HIVEP3: variants seen among roughly 807,000 people sequenced by gnomAD.
HIVEP3 encodes the protein HIVEP zinc finger 3.
HIVEP3 carries 49 observed loss-of-function variants against 152.8 expected under a neutral mutation model. That is an observed-to-expected ratio of 0.32 (90% CI 0.26 to 0.41). HIVEP3 has a LOEUF of 0.41. Ranked by LOEUF, HIVEP3 falls within the 10% of genes least tolerant of loss-of-function variation. The pLI is 1.00. For synonymous variants in HIVEP3, 1,269 were observed against 1,289.0 expected (o/e 0.98, Z 0.33); for missense variants, 2,790 against 3,103.3 (o/e 0.90, Z 2.40).
At chr1:41,576,507 C>A (rs1278815252) in intron 4 of HIVEP3, among the ~76,000 whole-genome samples, 1 of 152,190 alleles carries the variant, frequency 6.6e-6, no homozygotes, top group Non-Finnish European at 1.5e-5. Flanking sequence ...GCCTAGGGAG[C>A]AGAAATGCTG....
intron 2 of HIVEP3, among the ~76,000 whole-genome samples, chr1:41,697,680 G>A (rs928609732): frequency 5.3e-5 from 8 of 152,186 alleles, no homozygotes; most frequent in Non-Finnish European, 2.9e-5. Context: ...CCTCTGCAAC[G>A]CCAGATGCCC....
At chr1:41,886,970 C>T (rs1173824392) in intron 1 of HIVEP3, among the ~76,000 whole-genome samples, 1 of 151,952 alleles carries the variant, frequency 6.6e-6, no homozygotes. Flanking sequence ...TATATTTTAT[C>T]AAAATTCCTG....
intron 1 of HIVEP3, among the ~76,000 whole-genome samples, chr1:41,867,947 C>T (rs1350746841): frequency 6.9e-6 from 1 of 143,968 alleles, no homozygotes; most frequent in Non-Finnish European, 1.5e-5. Context: ...CTTCCAAAAG[C>T]TCCCAGAGGC....
intron 7 of HIVEP3, among the ~76,000 whole-genome samples, chr1:41,517,371 T>C (rs1642638614): frequency 6.6e-6 from 1 of 152,194 alleles, no homozygotes; most frequent in Non-Finnish European, 1.5e-5. Context: ...CAGTGTATCC[T>C]TGACAAGCAT....
chr1:41,834,539 C>T (rs1643066068), intron 1 of HIVEP3, among the ~76,000 whole-genome samples: 1 of 152,182 alleles, frequency 6.6e-6, no homozygotes, highest in South Asian at 2.1e-4. Flanking sequence ...TGTAACAGCT[C>T]CCCAATTCTT....
chr1:41,589,845 C>T (rs1224243814), intron 3 of HIVEP3, among the ~76,000 whole-genome samples: 1 of 152,146 alleles, frequency 6.6e-6, no homozygotes, highest in African/African-American at 2.4e-5. Flanking sequence ...TCCCAACATG[C>T]CAAAATCTGG....
intron 3 of HIVEP3, among the ~76,000 whole-genome samples, chr1:41,618,105 C>G (rs12404944): frequency 0.11 from 16,154 of 152,212 alleles, 1,356 homozygotes; most frequent in East Asian, 0.4. Context: ...CTTACCCAGG[C>G]TGAGCTGCCC....
chr1:41,804,050 C>A (rs1432171485), intron 1 of HIVEP3, among the ~76,000 whole-genome samples: 1 of 152,122 alleles, frequency 6.6e-6, no homozygotes. Flanking sequence ...CATATTATTT[C>A]TTTATTAAAT....
intron 1 of HIVEP3, among the ~76,000 whole-genome samples, chr1:41,905,877 C>T (rs1157763767): frequency 6.6e-6 from 1 of 152,148 alleles, no homozygotes; most frequent in Non-Finnish European, 1.5e-5. Context: ...CAAGGATAGA[C>T]AGAATGTGCA....
intron 2 of HIVEP3, among the ~76,000 whole-genome samples, chr1:41,672,289 G>C (rs1433778872): frequency 1.3e-5 from 2 of 152,146 alleles, no homozygotes; most frequent in African/African-American, 4.8e-5. Context: ...CCTGAGCTCT[G>C]CCCACACATC....
intron 1 of HIVEP3, among the ~76,000 whole-genome samples, chr1:41,866,391 A>T (rs1337739184): frequency 1.3e-5 from 2 of 152,230 alleles, no homozygotes; most frequent in Non-Finnish European, 1.5e-5. Flanking sequence ...CAAACAGGTT[A>T]GGGTGACCTG....
chr1:41,887,616 G>A (rs1644367297), intron 1 of HIVEP3, among the ~76,000 whole-genome samples: 1 of 152,210 alleles, frequency 6.6e-6, no homozygotes, highest in East Asian at 1.9e-4. Context: ...TGATGAATTT[G>A]TAAACTGGAT....
At chr1:41,653,906 A>G (rs1002941160) in intron 2 of HIVEP3, among the ~76,000 whole-genome samples, 3 of 136,562 alleles carry the variant, frequency 2.2e-5, no homozygotes, top group African/African-American at 8.5e-5. Flanking sequence ...GTTCTCTTTC[A>G]TCCACTCCAT....
intron 1 of HIVEP3, among the ~76,000 whole-genome samples, chr1:41,944,163 A>G (rs1281235154): frequency 2.6e-5 from 4 of 152,206 alleles, no homozygotes; most frequent in African/African-American, 9.7e-5. Context: ...GTCCAGTTTT[A>G]ATTTTGTAAG....
intron 1 of HIVEP3, among the ~76,000 whole-genome samples, chr1:41,948,547 C>T (rs922376463): frequency 3.9e-5 from 6 of 152,004 alleles, no homozygotes; most frequent in East Asian, 1.9e-4. Context: ...GCCAAAGAGC[C>T]GCAAGGCAGG....
At chr1:41,764,602 T>C (rs1389486248) in intron 1 of HIVEP3, among the ~76,000 whole-genome samples, 3 of 152,198 alleles carry the variant, frequency 2.0e-5, no homozygotes, top group South Asian at 2.1e-4. Context: ...ACAAAAAAGA[T>C]GAATTCGCCA....
At chr1:41,723,480 ACACACACACACACACAGCCAC>A (rs1053156651) in intron 1 of HIVEP3, among the ~76,000 whole-genome samples, 25 of 119,198 alleles carry the variant, frequency 2.1e-4, no homozygotes, top group Admixed American at 4.2e-4. Flanking sequence ...ATAAAATCAT[ACACACACACACACACAGCCAC>A]CACACACACA....
At chr1:41,775,730 G>T (rs1476621729) in intron 1 of HIVEP3, among the ~76,000 whole-genome samples, 2 of 151,894 alleles carry the variant, frequency 1.3e-5, no homozygotes, top group Non-Finnish European at 2.9e-5. Context: ...TCCTCATGTG[G>T]TCCACCTCCC....
Position 41,580,383 on chromosome 1 carries a change from A to G in HIVEP3, c.4415T>C (p.Leu1472Pro), listed in dbSNP as rs1644383877. ...CCTCTTCCCATCCTCGGTGCTGGTA[A>G]GGACCACACTGCATGGTTTTACCAG... ...LELVKPCSVV[L>P]TSTEDGKRPE... The change falls in exon 4 of 9, where the codon CTT (leucine) becomes CCT (proline). Residue 1472 changes from leucine to proline, a missense_variant. By Grantham distance (98) the Leu-to-Pro change is moderately conservative (BLOSUM62 -3). This residue lies in a region of HIVEP3 where 1,078 missense variants were observed against 1,165.3 expected (regional missense o/e 0.93). Coordinates refer to ENST00000372583, the MANE Select transcript of HIVEP3 (RefSeq NM_024503.5). The G allele has an allele frequency of 3.7e-6, 6 of 1,614,170 alleles. No homozygotes were observed. Among genetic ancestry groups the G allele is most frequent in the Non-Finnish European group, 5.1e-6 (6 of 1,180,042 alleles).
Sources: allele counts gnomAD v4.1 joint callset (sites outside exome capture counted in the v4.1 genomes callset), GRCh38; gene constraint gnomAD v4.1.1; regional missense constraint gnomAD v4.1.1; transcripts MANE v1.5; gene names NCBI Gene and HGNC (gene_info 2026-07-23, HGNC 2026-07-21).